ATP13A3: variants seen among roughly 807,000 people sequenced by gnomAD.
ATP13A3 encodes the protein polyamine-transporting ATPase 13A3.
Under a neutral mutation model 158.1 loss-of-function variants are expected in ATP13A3, and 59 were observed. That is an observed-to-expected ratio of 0.37 (90% confidence interval 0.30 to 0.46). ATP13A3 has a LOEUF of 0.46. ATP13A3 is among the 20% of genes least tolerant of loss of function. ATP13A3 has a pLI of 1.00. For synonymous variants in ATP13A3, 491 were observed against 504.3 expected (o/e 0.97, Z 0.35); for missense variants, 1,166 against 1,525.2 (o/e 0.76, Z 3.92).
At chr3:194,415,905 T>G (rs1715816840) in intron 31 of ATP13A3, among the ~76,000 whole-genome samples, 1 of 152,190 alleles carries the variant, frequency 6.6e-6, no homozygotes, top group Non-Finnish European at 1.5e-5. Context: ...ACTTTGTAAG[T>G]TTAAGTTATA....
At position 194,421,113 on chromosome 3, in the gene ATP13A3, TGTATATATATATATATATATATA is replaced by T. The variant is rs1303045821; in HGVS notation, c.3314-1169_3314-1147del. 4.4e-3 allele frequency among the ~76,000 whole-genome samples: 48 copies of T among 10,830 alleles called. 9 individuals carry two copies. Among genetic ancestry groups the T allele is most frequent in the African/African-American group, 0.022 (45 of 2,050 alleles). 7.1% of individuals were successfully genotyped at this position (10,830 alleles called of 152,430 possible). On this transcript the variant is annotated intron_variant, in intron 30 of 33. Transcript: ENST00000645319. ...TGTTTATATATACCAGTGTGTAGGG[TGTATATATATATATATATATATA>T]GTATATATATATATATATATATATA...
intron 33 of ATP13A3, among the ~76,000 whole-genome samples, chr3:194,410,160 C>T (rs542527202): frequency 1.3e-5 from 2 of 151,624 alleles, no homozygotes; most frequent in South Asian, 4.2e-4. Flanking sequence ...ACACAAACTT[C>T]TAAAAATTAG....
chr3:194,490,112 C>G (rs1316861816), upstream of ATP13A3, among the ~76,000 whole-genome samples: 3 of 152,168 alleles, frequency 2.0e-5, no homozygotes, highest in Non-Finnish European at 4.4e-5. This position sits in a 1 kb window ranked among gnomAD's most constrained non-coding sequence, Gnocchi z 4.4. Flanking sequence ...CCTCAAAACC[C>G]CCATCTTTGC....
In ATP13A3 at chr3:194,448,466, C is replaced by T. The variant is rs1164049352; in HGVS notation, c.1141G>A (p.Val381Ile). 2 of 1,613,732 alleles carry T rather than the reference C, an allele frequency of 1.2e-6. No homozygotes were observed. Among genetic ancestry groups the T allele is most frequent in the African/African-American group, 1.3e-5 (1 of 75,026 alleles). The change falls in exon 12 of 34, where the codon GTT becomes ATT. Residue 381 changes from valine (V) to isoleucine (I), a missense_variant. By Grantham distance (29) the Val-to-Ile change is conservative (BLOSUM62 3). This residue lies in a region of ATP13A3 where 997 missense variants were observed against 1,341.2 expected (regional missense o/e 0.74). Coordinates refer to ENST00000645319, the MANE Select transcript of ATP13A3 (RefSeq NM_001367549.1). This position sits in a 1 kb window ranked among gnomAD's most constrained non-coding sequence, Gnocchi z 4.0. The stretch of plus-strand genomic sequence containing the variant: ...TTAAGATGTTTCCTACCTGTTCTAA[C>T]AACTATGGCTTTGACGAGTTCTCCA... Reference protein sequence around the residue: ...YTGELVKAIVVRTGFSTSKGQ... With the variant: ...YTGELVKAIVIRTGFSTSKGQ...
intron 33 of ATP13A3, among the ~76,000 whole-genome samples, chr3:194,407,326 T>C (rs2108692984): frequency 6.6e-6 from 1 of 152,350 alleles, no homozygotes; most frequent in Middle Eastern, 3.4e-3. Flanking sequence ...AGAACATAAC[T>C]GAGCTACATA....
chr3:194,461,454 T>C (rs76113771), intron 3 of ATP13A3, among the ~76,000 whole-genome samples: 4,369 of 152,302 alleles, frequency 0.029, 203 homozygotes, highest in African/African-American at 0.099. Context: ...TTTGGACGAA[T>C]AGATTTTAAT....
intron 15 of ATP13A3, among the ~76,000 whole-genome samples, chr3:194,441,920 A>G (rs1289671066): frequency 6.6e-6 from 1 of 152,250 alleles, no homozygotes; most frequent in Non-Finnish European, 1.5e-5. Flanking sequence ...AAAGTCCAAG[A>G]AAATAGCTAA....
At chr3:194,470,644 G>T (rs1334511688) in intron 2 of ATP13A3, among the ~76,000 whole-genome samples, 1 of 152,086 alleles carries the variant, frequency 6.6e-6, no homozygotes, top group Non-Finnish European at 1.5e-5. Context: ...TTCTCAAAAT[G>T]TCCACTTACG....
intron 2 of ATP13A3, among the ~76,000 whole-genome samples, chr3:194,466,283 A>T (rs1719983911): frequency 6.6e-6 from 1 of 152,180 alleles, no homozygotes; most frequent in Non-Finnish European, 1.5e-5. Context: ...GAAAGAGGAA[A>T]CGTCACTGAA....
chr3:194,417,396 G>GACACACACACAC (rs56119734), intron 31 of ATP13A3, among the ~76,000 whole-genome samples: 1,362 of 118,102 alleles, frequency 0.012, 20 homozygotes, highest in East Asian at 0.029. Context: ...GCCAGATTCT[G>GACACACACACAC]ACACACACAC....
intron 27 of ATP13A3, 88 bp from the exon 28 acceptor site, chr3:194,429,005 T>C (rs915060611): frequency 2.4e-6 from 2 of 841,604 alleles, no homozygotes; most frequent in African/African-American, 3.5e-5. Context: ...GGATTTTCCC[T>C]ATAATGACAA....
At position 194,420,673 on chromosome 3, in the gene ATP13A3, C is replaced by T. The variant is rs1299655996; in HGVS notation, c.3314-706G>A. 2.6e-5 allele frequency among the ~76,000 whole-genome samples: 4 copies of T among 152,254 alleles called. No individual in the cohort carries two copies. In the East Asian group the frequency reaches 7.7e-4, roughly 29 times the overall value. ...AGTACTTTGTCTCACTTTCCTAACT[C>T]AAAAACCAAACTGCTTGCTCATGGC... On this transcript the variant is annotated intron_variant, in intron 30 of 33. Coordinates refer to ENST00000645319, the MANE Select transcript of ATP13A3 (RefSeq NM_001367549.1).
At chr3:194,461,945 A>G (rs2108978567) in intron 3 of ATP13A3, among the ~76,000 whole-genome samples, 195 bp downstream of exon 3, 1 of 152,274 alleles carries the variant, frequency 6.6e-6, no homozygotes, top group South Asian at 2.1e-4. Flanking sequence ...GACCACAGGT[A>G]AAAAAAGAAT....
At chr3:194,419,761 G>T (rs1716154529) in intron 31 of ATP13A3, 118 bp downstream of exon 31, 13 of 1,427,714 alleles carry the variant, frequency 9.1e-6, no homozygotes, top group Non-Finnish European at 1.1e-5. Flanking sequence ...TCTCTGTAGA[G>T]TATCTTTGGG....
In ATP13A3 at chr3:194,443,812, A is replaced by C. The variant is rs143597776; in HGVS notation, c.1559+913T>G. 7.9e-5 allele frequency among the ~76,000 whole-genome samples: 12 copies of C among 152,290 alleles called. No individual in the cohort carries two copies. In the East Asian group the frequency reaches 1.9e-3, roughly 24 times the overall value. ...AAAGTAAAGAGATGAGCCAGAGACT[A>C]ATAGGATAATTTTCAATACACAATA... On this transcript the variant is annotated intron_variant, in intron 15 of 33. Transcript: ENST00000645319.
At chr3:194,490,920 C>T (rs938411736), upstream of ATP13A3, among the ~76,000 whole-genome samples, 4 of 152,174 alleles carry the variant, frequency 2.6e-5, no homozygotes, top group Admixed American at 2.0e-4. The surrounding 1 kb of genome is among the most constrained non-coding windows in gnomAD (Gnocchi z 4.4). Flanking sequence ...CCGAGGCGGG[C>T]GGATCACCTG....
chr3:194,425,681 T>C (rs1235923894), intron 29 of ATP13A3, 152 bp from the exon 30 acceptor site: 6 of 600,986 alleles, frequency 1.0e-5, no homozygotes, highest in South Asian at 8.1e-5. Context: ...ATATAAGATA[T>C]ATAAAACAGG....
At chr3:194,433,410 A>G (rs1717386836) in intron 21 of ATP13A3, among the ~76,000 whole-genome samples, 1 of 151,606 alleles carries the variant, frequency 6.6e-6, no homozygotes. Context: ...CTCCCGGCTA[A>G]TTTTTTGTAT....
intron 21 of ATP13A3, 66 bp from the exon 22 acceptor site, chr3:194,431,958 C>T: frequency 1.5e-6 from 2 of 1,312,568 alleles, no homozygotes; most frequent in Non-Finnish European, 2.0e-6. Context: ...CAAACATGTA[C>T]TTGCTGAGAA....
Sources: gnomAD v4.1 joint callset for allele counts (sites outside exome capture counted in the v4.1 genomes callset) on GRCh38, gnomAD v4.1.1 for gene constraint, gnomAD v4.1.1 regional missense constraint, Gnocchi (gnomAD v3.1) non-coding constraint, MANE v1.5 for transcripts, NCBI Gene and HGNC (gene_info 2026-07-23, HGNC 2026-07-21) for gene names.